Variants in DNAH7 observed in about 807,000 individuals in gnomAD.
DNAH7 encodes the protein dynein axonemal heavy chain 7.
Under a neutral mutation model 444.6 loss-of-function variants are expected in DNAH7, and 397 were observed. The ratio of observed to expected loss-of-function variants is 0.89; its 90% CI spans 0.82 to 0.97. The LOEUF is 0.97. DNAH7 is among the 50% of genes least tolerant of loss of function. The pLI, the probability that DNAH7 is intolerant of heterozygous loss-of-function variation, is 0.00. For missense variants in DNAH7, 4,902 were observed against 4,800.8 expected (o/e 1.02, Z -0.62); for synonymous variants, 1,636 against 1,624.4 (o/e 1.01, Z -0.17).
intron 55 of DNAH7, among the ~76,000 whole-genome samples, chr2:195,798,166 A>T (rs1696254322): frequency 6.6e-6 from 1 of 151,792 alleles, no homozygotes; most frequent in African/African-American, 2.4e-5. Flanking sequence ...GGCCTAGTAA[A>T]TTTTTTTTAA....
intron 24 of DNAH7, among the ~76,000 whole-genome samples, chr2:195,921,189 A>T (rs1441442181): frequency 6.6e-6 from 1 of 152,240 alleles, no homozygotes; most frequent in Non-Finnish European, 1.5e-5. Context: ...CTACCATTTG[A>T]TCAAGCAATC....
At chr2:195,767,473 CT>C (rs1284770902) in intron 61 of DNAH7, among the ~76,000 whole-genome samples, 1 of 151,912 alleles carries the variant, frequency 6.6e-6, no homozygotes, top group African/African-American at 2.4e-5. Context: ...ACTTCTATAC[CT>C]TTACTCCTCC....
chr2:196,010,194 G>T (rs1383524267), intron 10 of DNAH7, among the ~76,000 whole-genome samples: 1 of 151,012 alleles, frequency 6.6e-6, no homozygotes, highest in African/African-American at 2.4e-5. Context: ...CAGCCACCCA[G>T]GCTGGAGTGC....
rs147843937 is a variant in DNAH7 at position 195,994,576 on chromosome 2, T to A, written c.1353+6128A>T. The A allele has an allele frequency of 1.5e-3, 741 of 487,932 alleles. 1 individual carries two copies. The Middle Eastern group carries it at 0.017, about 11-fold the overall frequency. 30.2% of individuals were successfully genotyped at this position (487,932 alleles called of 1,614,324 possible). A position where few individuals can be genotyped will look rare whatever the true frequency, so the allele number is the denominator to read the frequency against. ...TTGTTTGTTTTCACTGGATTGTGTGTTTCCATCTCTTCCGGACAGGAGTAA... is the reference window on the plus strand; with the variant it reads ...TTGTTTGTTTTCACTGGATTGTGTGATTCCATCTCTTCCGGACAGGAGTAA... On this transcript the variant is annotated intron_variant, in intron 12 of 64. Coordinates refer to ENST00000312428, the MANE Select transcript of DNAH7 (RefSeq NM_018897.3).
intron 61 of DNAH7, among the ~76,000 whole-genome samples, chr2:195,771,444 C>G (rs1004572142): frequency 1.3e-5 from 2 of 152,154 alleles, no homozygotes; most frequent in African/African-American, 4.8e-5. Flanking sequence ...AGGGTCCTAT[C>G]CCTATCTAAC....
rs771631595 is a variant in DNAH7, at chr2:195,809,819, G to T, written c.9814C>A (p.Arg3272=). The change falls in exon 52 of 65, where the codon CGG becomes AGG. Residue 3272 remains arginine, a synonymous_variant. Coordinates refer to ENST00000312428, the MANE Select transcript of DNAH7 (RefSeq NM_018897.3). ...AGCTTATCCTTTTCAAAGAGTGACC[G>T]GCAGACATTAACATACAGTGAATAA... ...FTYSLYVNVC[R]SLFEKDKLLF... is the part of the protein sequence containing the mutation. 6.3e-7 allele frequency: 1 copy of T among 1,597,182 alleles called. No individual in the cohort carries two copies. The highest frequency in any genetic ancestry group is 8.5e-7 in the Non-Finnish European group (1 of 1,171,060).
At chr2:195,969,047 T>A (rs1691669991) in intron 17 of DNAH7, among the ~76,000 whole-genome samples, 2 of 152,250 alleles carry the variant, frequency 1.3e-5, no homozygotes, top group Admixed American at 6.5e-5. Context: ...TTTTTCCTGT[T>A]TTCAATGCTT....
chr2:196,005,089 T>C (rs1694282791), intron 10 of DNAH7, among the ~76,000 whole-genome samples: 1 of 151,252 alleles, frequency 6.6e-6, no homozygotes, highest in South Asian at 2.1e-4. Flanking sequence ...GCTAACACCG[T>C]GAAACCCCGT....
chr2:196,006,433 T>C (rs1283997632), intron 10 of DNAH7, among the ~76,000 whole-genome samples: 2 of 152,086 alleles, frequency 1.3e-5, no homozygotes, highest in South Asian at 2.1e-4. Context: ...AAAAATCACA[T>C]GATTATCTCA....
chr2:195,767,707 C>A (rs185467671), intron 61 of DNAH7, among the ~76,000 whole-genome samples: 1 of 151,922 alleles, frequency 6.6e-6, no homozygotes, highest in African/African-American at 2.4e-5. Context: ...TGTGTAATTT[C>A]TTTTGTTTAT....
intron 12 of DNAH7, among the ~76,000 whole-genome samples, chr2:195,996,145 C>CTATT (rs57074572): frequency 0.019 from 2,888 of 152,240 alleles, 83 homozygotes; most frequent in African/African-American, 0.065. Flanking sequence ...AATCTTTAAA[C>CTATT]ACAATACTTT....
chr2:195,762,454 A>G (rs1425884605), intron 61 of DNAH7, among the ~76,000 whole-genome samples: 1 of 152,164 alleles, frequency 6.6e-6, no homozygotes, highest in African/African-American at 2.4e-5. Flanking sequence ...TTTTTTTAAA[A>G]AACAAGACTC....
intron 9 of DNAH7, 117 bp from the exon 10 acceptor site, chr2:196,013,023 G>T: frequency 1.5e-6 from 1 of 681,194 alleles, no homozygotes; most frequent in Non-Finnish European, 2.2e-6. Context: ...TAAAAATTGT[G>T]TTCTATATAA....
At chr2:195,758,336 T>C (rs1278460925) in intron 61 of DNAH7, among the ~76,000 whole-genome samples, 1 of 152,220 alleles carries the variant, frequency 6.6e-6, no homozygotes, top group East Asian at 1.9e-4. Flanking sequence ...ATTCAACTTC[T>C]AAACACAAAA....
At chr2:195,961,374 C>A (rs1259887415) in intron 17 of DNAH7, among the ~76,000 whole-genome samples, 1 of 149,250 alleles carries the variant, frequency 6.7e-6, no homozygotes, top group Non-Finnish European at 1.5e-5. Context: ...TATCCTTTGA[C>A]CAACATCTTC....
chr2:195,815,074 C>A (rs572195860), intron 51 of DNAH7, among the ~76,000 whole-genome samples: 1 of 150,560 alleles, frequency 6.6e-6, no homozygotes, highest in South Asian at 2.1e-4. Context: ...ATTCTTGTCC[C>A]ACGGAACTCA....
At position 195,988,138 on chromosome 2, in the gene DNAH7, T is replaced by G; in HGVS notation, c.1445A>C (p.Lys482Thr). Reference sequence around the variant, plus strand: ...GTGCTCAGTAGGTGCCACACTCTCTTTCATAATAACTTCCTTGATCTTTTC... The same window carrying G: ...GTGCTCAGTAGGTGCCACACTCTCTGTCATAATAACTTCCTTGATCTTTTC... ...HKEKIKEVIM[K>T]ESVAPTEHLR... is the part of the protein sequence containing the mutation. The change falls in exon 13 of 65, where the codon AAA becomes ACA. Residue 482 changes from lysine to threonine, a missense_variant. Transcript: ENST00000312428. 6.2e-7 allele frequency: 1 copy of G among 1,613,694 alleles called. No homozygotes were observed. Among genetic ancestry groups the G allele is most frequent in the Non-Finnish European group, 8.5e-7 (1 of 1,179,744 alleles).
In DNAH7 at chr2:195,906,793, G is replaced by T; in HGVS notation, c.4208-7C>A. 6.2e-7 allele frequency: 1 copy of T among 1,612,730 alleles called. No homozygotes were observed. Among genetic ancestry groups the T allele is most frequent in the Non-Finnish European group, 8.5e-7 (1 of 1,179,260 alleles). ...TCAGCACCTGCATTAATACCTGTAGGTAATCAGGAATGAAATGACTTAGTA... is the reference window on the plus strand; with the variant it reads ...TCAGCACCTGCATTAATACCTGTAGTTAATCAGGAATGAAATGACTTAGTA... On this transcript the variant is annotated splice_polypyrimidine_tract_variant and splice_region_variant and intron_variant, in intron 26 of 64. Transcript: ENST00000312428.
At chr2:195,767,198 G>A (rs1694630546) in intron 61 of DNAH7, among the ~76,000 whole-genome samples, 1 of 151,966 alleles carries the variant, frequency 6.6e-6, no homozygotes, top group Non-Finnish European at 1.5e-5. Flanking sequence ...GAGTTATTAA[G>A]AAGTGTTTTA....
Sources: gnomAD v4.1 joint callset for allele counts (sites outside exome capture counted in the v4.1 genomes callset) on GRCh38, gnomAD v4.1.1 for gene constraint, MANE v1.5 for transcripts, NCBI Gene and HGNC (gene_info 2026-07-23, HGNC 2026-07-21) for gene names.